Variants in MYO1D observed in about 807,000 individuals in gnomAD.
The protein encoded by MYO1D is myosin ID, also known as unconventional myosin-Id.
Under a neutral mutation model 122.0 loss-of-function variants are expected in MYO1D, and 83 were observed. The observed-to-expected ratio is 0.68, with a 90% confidence interval of 0.57 to 0.82. MYO1D has a LOEUF of 0.82. Ranked by LOEUF, MYO1D falls within the 40% of genes least tolerant of loss-of-function variation. The pLI, the probability that MYO1D is intolerant of heterozygous loss-of-function variation, is 0.00. For synonymous variants in MYO1D, 464 were observed against 446.9 expected (o/e 1.04, Z -0.48); for missense variants, 1,157 against 1,269.5 (o/e 0.91, Z 1.35).
intron 20 of MYO1D, among the ~76,000 whole-genome samples, chr17:32,613,289 C>A (rs560173110): frequency 6.6e-4 from 101 of 152,228 alleles, no homozygotes; most frequent in African/African-American, 2.3e-3. Context: ...CATACTGACT[C>A]ATTTTATTTA....
At chr17:32,545,807 C>T (rs34531109) in intron 21 of MYO1D, among the ~76,000 whole-genome samples, 6,590 of 150,788 alleles carry the variant, frequency 0.044, 318 homozygotes, top group African/African-American at 0.12. Context: ...AAGTGTCAAT[C>T]TCTACAATAC....
At chr17:32,809,222 A>T (rs939384822) in intron 1 of MYO1D, among the ~76,000 whole-genome samples, 3 of 151,430 alleles carry the variant, frequency 2.0e-5, no homozygotes, top group Non-Finnish European at 4.4e-5. Flanking sequence ...GAGCTCAAGC[A>T]ATCATCCCAC....
intron 21 of MYO1D, among the ~76,000 whole-genome samples, chr17:32,573,106 T>C (rs2087246420): frequency 6.6e-6 from 1 of 152,210 alleles, no homozygotes; most frequent in Non-Finnish European, 1.5e-5. Flanking sequence ...CGGTGTTCTG[T>C]AGCCTTAATT....
intron 21 of MYO1D, among the ~76,000 whole-genome samples, chr17:32,573,272 A>G (rs2087247372): frequency 6.6e-6 from 1 of 152,046 alleles, no homozygotes; most frequent in Admixed American, 6.6e-5. Flanking sequence ...TTTCTCTTCC[A>G]TGGTCTAGAA....
At chr17:32,642,240 T>C (rs957409421) in intron 19 of MYO1D, among the ~76,000 whole-genome samples, 3 of 152,254 alleles carry the variant, frequency 2.0e-5, no homozygotes, top group African/African-American at 7.2e-5. Context: ...CAGATAGTTG[T>C]AGATGTGTGG....
rs529616654 is a variant in MYO1D at position 32,502,354 on chromosome 17, G to A, written c.2865-7439C>T. On this transcript the variant is annotated intron_variant, in intron 21 of 21. Transcript: ENST00000318217. ...CTACATTTATATGAAATAGCCAGAA[G>A]AGGCAAAGCCACGGAGGCAGAAACC... Among the ~76,000 whole-genome samples, 5 of 152,330 alleles carry A rather than the reference G, an allele frequency of 3.3e-5. No homozygotes were observed. In the South Asian group the frequency reaches 1.0e-3, roughly 32 times the overall value.
chr17:32,850,116 T>C (rs1234403125), intron 1 of MYO1D, among the ~76,000 whole-genome samples: 2 of 152,224 alleles, frequency 1.3e-5, no homozygotes, highest in African/African-American at 4.8e-5. Flanking sequence ...CTTACTGCAA[T>C]CCTTTGGGAA....
chr17:32,580,891 A>G (rs1180463947), intron 21 of MYO1D, among the ~76,000 whole-genome samples: 1 of 152,186 alleles, frequency 6.6e-6, no homozygotes, highest in Non-Finnish European at 1.5e-5. Flanking sequence ...TATGCTCTTA[A>G]TGGACATTGG....
intron 16 of MYO1D, among the ~76,000 whole-genome samples, chr17:32,688,202 A>C (rs1042269484): frequency 6.6e-6 from 1 of 152,194 alleles, no homozygotes; most frequent in African/African-American, 2.4e-5. Context: ...AGCACGTATA[A>C]ATTCCATGGG....
intron 1 of MYO1D, among the ~76,000 whole-genome samples, chr17:32,787,788 T>C (rs754982208): frequency 1.3e-5 from 2 of 152,192 alleles, no homozygotes; most frequent in Non-Finnish European, 2.9e-5. Flanking sequence ...CATTATATCA[T>C]TCTTGTGCCT....
At chr17:32,766,843 G>C (rs2090064165) in intron 7 of MYO1D, among the ~76,000 whole-genome samples, 1 of 151,786 alleles carries the variant, frequency 6.6e-6, no homozygotes, top group Non-Finnish European at 1.5e-5. Flanking sequence ...ATTCTGAAAA[G>C]GACTGCTGCA....
intron 16 of MYO1D, among the ~76,000 whole-genome samples, chr17:32,667,075 TG>T (rs1251013443): frequency 6.6e-6 from 1 of 152,214 alleles, no homozygotes; most frequent in Non-Finnish European, 1.5e-5. Context: ...GTTAAAAAGT[TG>T]TGGTAGAGGA....
rs994499443 is a variant in MYO1D at position 32,684,136 on chromosome 17, C to G, written c.2122-24798G>C. ...CGGTGCGCGCACCCACTGGCCTGCG[C>G]CCACTGTCTGGCACTCCCTAGTGAG... On this transcript the variant is annotated intron_variant, in intron 16 of 21. Coordinates refer to ENST00000318217, the MANE Select transcript of MYO1D (RefSeq NM_015194.3). The G allele has an allele frequency of 1.9e-5, 3 of 154,134 alleles. No individual in the cohort carries two copies. The Admixed American group carries it at 2.0e-4, about 10-fold the overall frequency. 9.5% of individuals were successfully genotyped at this position (154,134 alleles called of 1,614,324 possible).
At chr17:32,547,887 T>A (rs1305218686) in intron 21 of MYO1D, among the ~76,000 whole-genome samples, 1 of 151,488 alleles carries the variant, frequency 6.6e-6, no homozygotes, top group East Asian at 1.9e-4. Flanking sequence ...GAGGCAGAGG[T>A]TGCAGTGAGC....
At chr17:32,746,630 G>A (rs774030233) in intron 12 of MYO1D, among the ~76,000 whole-genome samples, 2 of 152,110 alleles carry the variant, frequency 1.3e-5, no homozygotes, top group South Asian at 2.1e-4. Flanking sequence ...ATGTATATAC[G>A]TATGTATCTT....
intron 21 of MYO1D, among the ~76,000 whole-genome samples, chr17:32,561,688 CAAA>C (rs60531756): frequency 2.4e-3 from 170 of 71,784 alleles, no homozygotes; most frequent in African/African-American, 8.0e-3. Flanking sequence ...GGCTCTGTCT[CAAA>C]AAAAAAAAAA....
rs558399105 is a variant in MYO1D, at chr17:32,785,920, A to G, written c.96-5136T>C. Reference sequence around the variant, plus strand: ...CCCCCTTTCTACCCTCAGAAAATCAACAAGAATAACAAAAACAGAAAAAGA... The same window carrying G: ...CCCCCTTTCTACCCTCAGAAAATCAGCAAGAATAACAAAAACAGAAAAAGA... On this transcript the variant is annotated intron_variant, in intron 1 of 21. Transcript: ENST00000318217. Among the ~76,000 whole-genome samples, 4 of 152,312 alleles carry G rather than the reference A, an allele frequency of 2.6e-5. No homozygotes were observed. In the South Asian group the frequency reaches 8.3e-4, roughly 32 times the overall value.
intron 20 of MYO1D, among the ~76,000 whole-genome samples, chr17:32,607,075 G>A (rs1006153948): frequency 3.3e-5 from 5 of 152,132 alleles, no homozygotes; most frequent in African/African-American, 1.2e-4. Flanking sequence ...CAGGAGAATC[G>A]TGTGAACCCG....
intron 1 of MYO1D, among the ~76,000 whole-genome samples, chr17:32,829,163 A>G (rs2090750144): frequency 6.6e-6 from 1 of 152,234 alleles, no homozygotes; most frequent in Non-Finnish European, 1.5e-5. Context: ...GAGTCATCTA[A>G]CAGGGAGGAG....
Sources: gnomAD v4.1 joint callset for allele counts (sites outside exome capture counted in the v4.1 genomes callset) on GRCh38, gnomAD v4.1.1 for gene constraint, MANE v1.5 for transcripts, NCBI Gene and HGNC (gene_info 2026-07-23, HGNC 2026-07-21) for gene names.